KCNIP1: variants seen among roughly 807,000 people sequenced by gnomAD.
The protein encoded by KCNIP1 is potassium voltage-gated channel interacting protein 1.
In KCNIP1, 18 loss-of-function variants were observed where a neutral mutation model predicts 33.0. The observed-to-expected ratio is 0.55, with a 90% CI of 0.38 to 0.81. The LOEUF (loss-of-function observed/expected upper bound fraction) is 0.81, where lower values mean the gene tolerates loss of function less well. Ranked by LOEUF, KCNIP1 falls within the 30% of genes least tolerant of loss-of-function variation. The probability of loss-of-function intolerance (pLI) is 0.00; values close to 1 mark genes in which losing one functional copy is unlikely to be tolerated. For synonymous variants in KCNIP1, 93 were observed against 98.3 expected (o/e 0.95, Z 0.32); for missense variants, 238 against 271.6 (o/e 0.88, Z 0.87).
chr5:170,729,370 C>T (rs1013845724), intron 5 of KCNIP1, among the ~76,000 whole-genome samples: 1 of 151,948 alleles, frequency 6.6e-6, no homozygotes, highest in Non-Finnish European at 1.5e-5. Context: ...ATTGATATTC[C>T]TCAGTAGACA....
chr5:170,548,212 G>T (rs183992031), intron 1 of KCNIP1, among the ~76,000 whole-genome samples: 1 of 152,218 alleles, frequency 6.6e-6, no homozygotes, highest in East Asian at 1.9e-4. Flanking sequence ...ATTACTTGCT[G>T]AAATGTTCAA....
At chr5:170,654,850 G>C (rs1761198672) in intron 1 of KCNIP1, among the ~76,000 whole-genome samples, 1 of 152,240 alleles carries the variant, frequency 6.6e-6, no homozygotes, top group African/African-American at 2.4e-5. Context: ...TTGGAATACA[G>C]TAAGATAATG....
intron 1 of KCNIP1, among the ~76,000 whole-genome samples, chr5:170,670,698 C>T (rs935859289): frequency 6.6e-6 from 1 of 152,072 alleles, no homozygotes; most frequent in Non-Finnish European, 1.5e-5. Flanking sequence ...TTCAAGACCA[C>T]CCTGGGCAAC....
intron 1 of KCNIP1, among the ~76,000 whole-genome samples, chr5:170,580,394 TG>T (rs1205185674): frequency 4.6e-5 from 7 of 152,204 alleles, no homozygotes; most frequent in African/African-American, 1.7e-4. Flanking sequence ...GTAACAAACC[TG>T]GAAGGCAGGC....
intron 1 of KCNIP1, among the ~76,000 whole-genome samples, chr5:170,569,003 A>G (rs1437486504): frequency 6.6e-6 from 1 of 152,064 alleles, no homozygotes; most frequent in Non-Finnish European, 1.5e-5. Context: ...ATAGCTTTCC[A>G]TCCAGACAAA....
intron 1 of KCNIP1, among the ~76,000 whole-genome samples, chr5:170,664,820 A>G (rs560878861): frequency 7.9e-5 from 12 of 152,166 alleles, no homozygotes; most frequent in Non-Finnish European, 1.8e-4. Context: ...GCATGGGGGC[A>G]TTGATGTTTT....
chr5:170,543,920 C>T (rs534712059), intron 1 of KCNIP1, among the ~76,000 whole-genome samples: 2 of 152,142 alleles, frequency 1.3e-5, no homozygotes, highest in Admixed American at 6.5e-5. Context: ...ACCAACAAGC[C>T]GAAGGAAACC....
chr5:170,687,856 T>C (rs1214828409), intron 1 of KCNIP1, among the ~76,000 whole-genome samples: 1 of 152,238 alleles, frequency 6.6e-6, no homozygotes, highest in Non-Finnish European at 1.5e-5. Context: ...TAAGAATGTG[T>C]GTCCCTGGCA....
At chr5:170,527,013 G>A (rs924703531) in intron 1 of KCNIP1, among the ~76,000 whole-genome samples, 5 of 152,040 alleles carry the variant, frequency 3.3e-5, no homozygotes, top group South Asian at 2.1e-4. Flanking sequence ...GTGAGCCACC[G>A]CACCCGGCCT....
chr5:170,501,143 C>T (rs75708130), upstream of KCNIP1, among the ~76,000 whole-genome samples: 6,843 of 152,192 alleles, frequency 0.045, 207 homozygotes, highest in Non-Finnish European at 0.062. Context: ...GTAAGGAGTG[C>T]TCTGATAAGA....
intron 1 of KCNIP1, among the ~76,000 whole-genome samples, chr5:170,576,373 G>A (rs1757604835): frequency 6.6e-6 from 1 of 152,142 alleles, no homozygotes; most frequent in Non-Finnish European, 1.5e-5. Flanking sequence ...TAGCCTCAGA[G>A]GTCACATAGT....
intron 1 of KCNIP1, chr5:170,379,068 T>C (rs1235696703): frequency 1.9e-5 from 27 of 1,454,032 alleles, no homozygotes; most frequent in Non-Finnish European, 2.3e-5. Context: ...AGCTTTGTAG[T>C]CGGGCCCCTG....
intron 1 of KCNIP1, chr5:170,561,171 G>A: frequency 2.2e-6 from 1 of 454,024 alleles, no homozygotes; most frequent in Non-Finnish European, 4.4e-6. Flanking sequence ...GGGCTGAGAT[G>A]AAACACCCAT....
chr5:170,413,899 T>C (rs1755259200), intron 1 of KCNIP1, among the ~76,000 whole-genome samples: 1 of 145,102 alleles, frequency 6.9e-6, no homozygotes, highest in Admixed American at 7.0e-5. Context: ...CTTGTCCAAC[T>C]GTATCTGCTA....
intron 1 of KCNIP1, among the ~76,000 whole-genome samples, chr5:170,443,582 C>G (rs918943433): frequency 4.6e-5 from 7 of 152,210 alleles, no homozygotes; most frequent in Non-Finnish European, 1.0e-4. Context: ...TTCTACATCC[C>G]TGGAGCATAA....
chr5:170,682,032 G>T (rs1196660482), intron 1 of KCNIP1, among the ~76,000 whole-genome samples: 1 of 152,166 alleles, frequency 6.6e-6, no homozygotes, highest in African/African-American at 2.4e-5. Context: ...TTCCACCACT[G>T]CATGGTGTAG....
At chr5:170,527,634 C>G (rs77452885) in intron 1 of KCNIP1, among the ~76,000 whole-genome samples, 2,054 of 151,484 alleles carry the variant, frequency 0.014, 50 homozygotes, top group African/African-American at 0.047. Flanking sequence ...TCAGAAGACC[C>G]ATGGCAGGCT....
intron 1 of KCNIP1, among the ~76,000 whole-genome samples, chr5:170,439,433 T>C (rs1027008491): frequency 6.6e-6 from 1 of 151,388 alleles, no homozygotes; most frequent in Non-Finnish European, 1.5e-5. Context: ...CACAGGCCAC[T>C]GCAGCTCTCT....
intron 1 of KCNIP1, among the ~76,000 whole-genome samples, chr5:170,535,046 C>T (rs190506500): frequency 2.3e-4 from 35 of 152,304 alleles, no homozygotes; most frequent in Non-Finnish European, 3.7e-4. Context: ...CCCATGGCTG[C>T]AGACCCTATT....
Sources: allele counts gnomAD v4.1 joint callset (sites outside exome capture counted in the v4.1 genomes callset), GRCh38; gene constraint gnomAD v4.1.1; transcripts MANE v1.5; gene names NCBI Gene and HGNC (gene_info 2026-07-23, HGNC 2026-07-21).